COL23A1: variants seen among roughly 807,000 people sequenced by gnomAD.
COL23A1 encodes collagen type XXIII alpha 1 chain.
Under a neutral mutation model 99.3 loss-of-function variants are expected in COL23A1, and 97 were observed. That is an observed-to-expected ratio of 0.98 (90% CI 0.83 to 1.16). COL23A1 has a LOEUF of 1.16. Ranked by LOEUF, COL23A1 falls within the 50% of genes most tolerant of loss-of-function variation. The pLI is 0.00. For synonymous variants in COL23A1, 320 were observed against 308.2 expected, an observed-to-expected ratio of 1.04 and a Z score of -0.40; for missense variants, 762 against 757.4, an observed-to-expected ratio of 1.01 and a Z score of -0.07.
At chr5:178,442,263 A>AGAAGTCTTAT (rs1491264043) in intron 2 of COL23A1, among the ~76,000 whole-genome samples, 3 of 128,390 alleles carry the variant, frequency 2.3e-5, no homozygotes, top group African/African-American at 3.7e-5. Flanking sequence ...TCTGAGGCAC[A>AGAAGTCTTAT]GAAGTCTTAT....
At chr5:178,549,469 G>A (rs547196014) in intron 2 of COL23A1, among the ~76,000 whole-genome samples, 14 of 152,254 alleles carry the variant, frequency 9.2e-5, no homozygotes, top group Admixed American at 7.2e-4. Flanking sequence ...TTTGTTGCCT[G>A]GCAGAGAATA....
At chr5:178,412,472 C>CAAG (rs1274356863) in intron 2 of COL23A1, among the ~76,000 whole-genome samples, 1 of 152,066 alleles carries the variant, frequency 6.6e-6, no homozygotes, top group Non-Finnish European at 1.5e-5. Flanking sequence ...TTCCCAAAGT[C>CAAG]AAGAAGAAAA....
intron 2 of COL23A1, among the ~76,000 whole-genome samples, chr5:178,385,523 C>T (rs1763624735): frequency 6.6e-6 from 1 of 152,240 alleles, no homozygotes. Context: ...TGGCCGGTCT[C>T]CTCCAGGAGG....
At chr5:178,499,888 T>C (rs922239360) in intron 2 of COL23A1, among the ~76,000 whole-genome samples, 1 of 152,226 alleles carries the variant, frequency 6.6e-6, no homozygotes, top group Non-Finnish European at 1.5e-5. Context: ...GAACAAATTA[T>C]TTATAAATGC....
chr5:178,428,070 T>C lies in COL23A1; in HGVS notation c.362-121151A>G, dbSNP rs561405862. On this transcript the variant is annotated intron_variant, in intron 2 of 28. Coordinates refer to ENST00000390654, the MANE Select transcript of COL23A1 (RefSeq NM_173465.4). This position sits in a 1 kb window ranked among gnomAD's most constrained non-coding sequence, Gnocchi z 5.0. ...TATTAGGAAGCCAATTTGGCTCTGG[T>C]CCAAGCCCTCTCCTCCAGTCCAGCC... Among the ~76,000 whole-genome samples, 13 of 152,292 alleles carry C rather than the reference T, an allele frequency of 8.5e-5. No individual in the cohort carries two copies. Among genetic ancestry groups the C allele is most frequent in the African/African-American group, 2.6e-4 (11 of 41,574 alleles).
chr5:178,403,084 G>A (rs953244697), intron 2 of COL23A1, among the ~76,000 whole-genome samples: 1 of 125,790 alleles, frequency 7.9e-6, no homozygotes, highest in Non-Finnish European at 1.6e-5. Context: ...ACTCCAGCCT[G>A]GGCAACAGAG....
intron 2 of COL23A1, among the ~76,000 whole-genome samples, chr5:178,548,781 A>G (rs1761850660): frequency 6.6e-6 from 1 of 152,112 alleles, no homozygotes; most frequent in Non-Finnish European, 1.5e-5. Context: ...TTATTTTCAA[A>G]CTTAAGGTGG....
At chr5:178,458,295 C>CA (rs1166423363) in intron 2 of COL23A1, among the ~76,000 whole-genome samples, 1 of 152,026 alleles carries the variant, frequency 6.6e-6, no homozygotes, top group Non-Finnish European at 1.5e-5. Context: ...ACAGTGGATG[C>CA]AGGGGGCGGG....
chr5:178,445,068 G>A (rs1257104571), intron 2 of COL23A1, among the ~76,000 whole-genome samples: 1 of 152,088 alleles, frequency 6.6e-6, no homozygotes, highest in South Asian at 2.1e-4. Context: ...CAAAACATTA[G>A]CAAATTTGAT....
chr5:178,442,241 G>C (rs1766910891), intron 2 of COL23A1, among the ~76,000 whole-genome samples: 1 of 150,154 alleles, frequency 6.7e-6, no homozygotes, highest in Non-Finnish European at 1.5e-5. Flanking sequence ...TCAGGAAAGA[G>C]GGAGAGGCCT....
chr5:178,401,513 A>G (rs1764449488), intron 2 of COL23A1, among the ~76,000 whole-genome samples: 1 of 152,274 alleles, frequency 6.6e-6, no homozygotes. Context: ...ATTGCTGCAT[A>G]GTATTCCACT....
intron 2 of COL23A1, among the ~76,000 whole-genome samples, chr5:178,474,879 C>T (rs903493368): frequency 6.6e-6 from 1 of 152,218 alleles, no homozygotes; most frequent in East Asian, 1.9e-4. Context: ...TTTACTGTCT[C>T]ATTGTTCTGG....
intron 5 of COL23A1, among the ~76,000 whole-genome samples, chr5:178,273,206 C>T (rs929054776): frequency 1.3e-5 from 2 of 152,228 alleles, no homozygotes. Flanking sequence ...GAAGGGAGCC[C>T]AGGCTGTCCC....
intron 2 of COL23A1, among the ~76,000 whole-genome samples, chr5:178,339,162 T>TA (rs1489572065): frequency 6.6e-6 from 1 of 152,164 alleles, no homozygotes; most frequent in African/African-American, 2.4e-5. Context: ...TCCACTGAAC[T>TA]AAAACCCATT....
chr5:178,335,423 G>A (rs955336933), intron 2 of COL23A1, among the ~76,000 whole-genome samples: 1 of 152,186 alleles, frequency 6.6e-6, no homozygotes, highest in African/African-American at 2.4e-5. Flanking sequence ...CGGTCCCCCT[G>A]CGCCGGGAGA....
At chr5:178,354,200 TA>T in intron 2 of COL23A1, among the ~76,000 whole-genome samples, 1 of 152,122 alleles carries the variant, frequency 6.6e-6, no homozygotes, top group African/African-American at 2.4e-5. Flanking sequence ...AATTGGCAAA[TA>T]AAAATGGTAT....
At chr5:178,257,613 C>A in intron 12 of COL23A1, 46 bp from the exon 13 acceptor site, 2 of 1,539,952 alleles carry the variant, frequency 1.3e-6, no homozygotes, top group Non-Finnish European at 1.8e-6. Context: ...CCTCGGGTGG[C>A]CAGTGGGCCC....
intron 2 of COL23A1, among the ~76,000 whole-genome samples, chr5:178,358,015 T>C (rs1184193433): frequency 1.6e-5 from 2 of 126,804 alleles, no homozygotes; most frequent in East Asian, 2.3e-4. Context: ...TATGTGTGTG[T>C]ATGTGTGTGT....
At chr5:178,279,072 C>T (rs913150418) in intron 5 of COL23A1, among the ~76,000 whole-genome samples, 1 of 152,186 alleles carries the variant, frequency 6.6e-6, no homozygotes, top group East Asian at 1.9e-4. Context: ...GGACACCAGC[C>T]CAAAGCTTTG....
Sources: allele counts gnomAD v4.1 joint callset (sites outside exome capture counted in the v4.1 genomes callset), GRCh38; gene constraint gnomAD v4.1.1; non-coding constraint Gnocchi (gnomAD v3.1); transcripts MANE v1.5; gene names NCBI Gene and HGNC (gene_info 2026-07-23, HGNC 2026-07-21).